DDX60: variants seen among roughly 807,000 people sequenced by gnomAD.
The protein encoded by DDX60 is probable ATP-dependent RNA helicase DDX60.
Under a neutral mutation model 212.8 loss-of-function variants are expected in DDX60, and 165 were observed. That is an observed-to-expected ratio of 0.78 (90% CI 0.68 to 0.88). The LOEUF (loss-of-function observed/expected upper bound fraction) is 0.88. DDX60 is among the 40% of genes least tolerant of loss of function. DDX60 has a pLI of 0.00. For synonymous variants in DDX60, 703 were observed against 685.3 expected (o/e 1.03, Z -0.40); for missense variants, 1,905 against 2,003.9 (o/e 0.95, Z 0.94).
intron 1 of DDX60, among the ~76,000 whole-genome samples, chr4:168,316,097 A>G (rs1308679002): frequency 6.6e-6 from 1 of 152,264 alleles, no homozygotes; most frequent in African/African-American, 2.4e-5. Flanking sequence ...GAATGAAGAC[A>G]ATCAAAAAAC....
chr4:168,304,966 T>C (rs551777194), intron 5 of DDX60, among the ~76,000 whole-genome samples: 1 of 152,340 alleles, frequency 6.6e-6, no homozygotes, highest in East Asian at 1.9e-4. Flanking sequence ...CCAGGGCAAC[T>C]TCTGGTCCTG....
chr4:168,295,167 T>A (rs1268857896), intron 6 of DDX60, among the ~76,000 whole-genome samples: 1 of 152,206 alleles, frequency 6.6e-6, no homozygotes, highest in South Asian at 2.1e-4. Context: ...TGTAAAACGA[T>A]ATGAAGCTTC....
intron 33 of DDX60, 25 bp from the exon 34 acceptor site, chr4:168,225,701 A>T (rs371306614): frequency 6.2e-7 from 1 of 1,601,580 alleles, no homozygotes. Context: ...ATTTTCATAG[A>T]GATAGATCTA....
In DDX60 at chr4:168,285,454, A is replaced by G. The variant is rs376935752; in HGVS notation, c.1384T>C (p.Ser462Pro). 2 of 1,610,994 alleles carry G rather than the reference A, an allele frequency of 1.2e-6. No homozygotes were observed. The highest frequency in any genetic ancestry group is 1.3e-5 in the African/African-American group (1 of 74,842). The change falls in exon 11 of 38, where the codon TCA becomes CCA. Residue 462 changes from serine to proline, a missense_variant. By Grantham distance (74) the Ser-to-Pro change is moderately conservative. Transcript: ENST00000393743. ...GCAAATTTATCAACCACAAAAGATG[A>G]CGTTGGAATAAAACCCAAATTGGGC... ...MVPNLGFIPT[S>P]SFVVDKFAGD...
intron 33 of DDX60, among the ~76,000 whole-genome samples, chr4:168,234,379 C>T (rs951394632): frequency 6.6e-6 from 1 of 151,786 alleles, no homozygotes; most frequent in Non-Finnish European, 1.5e-5. Context: ...GTTTGTTACG[C>T]TGTCTGATTT....
intron 33 of DDX60, among the ~76,000 whole-genome samples, chr4:168,230,979 T>A (rs936880935): frequency 6.7e-6 from 1 of 150,306 alleles, no homozygotes; most frequent in African/African-American, 2.4e-5. Flanking sequence ...AGAAGAGAGA[T>A]CCAAATAAGT....
intron 13 of DDX60, among the ~76,000 whole-genome samples, chr4:168,281,901 G>A (rs773857782): frequency 1.3e-5 from 2 of 152,050 alleles, no homozygotes; most frequent in Non-Finnish European, 2.9e-5. Flanking sequence ...TGTTTCAATA[G>A]TACAAGGGTT....
intron 33 of DDX60, among the ~76,000 whole-genome samples, chr4:168,228,113 C>T (rs977090671): frequency 6.6e-6 from 1 of 152,120 alleles, no homozygotes; most frequent in Admixed American, 6.6e-5. Flanking sequence ...CCTATTGGTC[C>T]TAGGCTACAA....
intron 7 of DDX60, among the ~76,000 whole-genome samples, chr4:168,293,129 A>G (rs1736181915): frequency 6.6e-6 from 1 of 152,152 alleles, no homozygotes; most frequent in Admixed American, 6.5e-5. Flanking sequence ...AAACACGCAC[A>G]CCCATAAGCA....
chr4:168,315,192 G>A (rs1281820076), intron 1 of DDX60, among the ~76,000 whole-genome samples: 4 of 152,166 alleles, frequency 2.6e-5, no homozygotes, highest in African/African-American at 7.2e-5. Flanking sequence ...CTACTTAAAT[G>A]TATGAACTGA....
At chr4:168,307,939 T>A (rs912197150) in intron 4 of DDX60, 67 bp downstream of exon 4, 4 of 906,848 alleles carry the variant, frequency 4.4e-6, no homozygotes, top group Admixed American at 6.5e-5. Flanking sequence ...AAAATATATA[T>A]ATAATAATTT....
chr4:168,285,945 A>AAGGAAGGG (rs1362121339), intron 10 of DDX60, among the ~76,000 whole-genome samples: 2 of 127,834 alleles, frequency 1.6e-5, no homozygotes, highest in Non-Finnish European at 3.3e-5. Flanking sequence ...GGAAGGGAGG[A>AAGGAAGGG]AGGGAGGGAG....
rs779448979 is a variant in DDX60 at position 168,309,261 on chromosome 4, G to A, written c.75-1066C>T. ...ATCATAAACCCTAAATAAAACCATG[G>A]AACCCATATGAAGTGCCATTAGTGA... On this transcript the variant is annotated intron_variant, in intron 3 of 37. Coordinates refer to ENST00000393743, the MANE Select transcript of DDX60 (RefSeq NM_017631.6). Among the ~76,000 whole-genome samples, 41 of 152,038 alleles carry A rather than the reference G, an allele frequency of 2.7e-4. 1 individual carries two copies. The highest frequency in any genetic ancestry group is 1.6e-3 in the Admixed American group (25 of 15,270).
Position 168,248,863 on chromosome 4 carries a change from G to A in DDX60, c.3859-571C>T, listed in dbSNP as rs186006489. 2.5e-3 allele frequency among the ~76,000 whole-genome samples: 378 copies of A among 151,648 alleles called. 2 individuals are homozygous for A. Among genetic ancestry groups the A allele is most frequent in the Middle Eastern group, 6.9e-3 (2 of 290 alleles). On this transcript the variant is annotated intron_variant, in intron 28 of 37. Coordinates refer to ENST00000393743, the MANE Select transcript of DDX60 (RefSeq NM_017631.6). The stretch of plus-strand genomic sequence containing the variant: ...CAACCTCCACCTCCCAGGTTCAGTC[G>A]ATTCTCCTGCCTCAACCTCCCAAGT...
chr4:168,220,547 G>T, intron 37 of DDX60, 108 bp downstream of exon 37: 1 of 627,440 alleles, frequency 1.6e-6, no homozygotes, highest in Non-Finnish European at 2.7e-6. Flanking sequence ...CACAGAAGAA[G>T]CTTAATGGCA....
At chr4:168,264,213 A>C (rs565031971) in intron 22 of DDX60, among the ~76,000 whole-genome samples, 1 of 152,196 alleles carries the variant, frequency 6.6e-6, no homozygotes, top group African/African-American at 2.4e-5. Context: ...ATGAAAATAC[A>C]ATATTTTTAC....
chr4:168,285,023 A>G lies in DDX60; in HGVS notation c.1446-88T>C, dbSNP rs189192640. Reference sequence around the variant, plus strand: ...TTATTTTATAATGTTTTTGAAAATCATAGTTCCCCTTCTTCTTTCTGCAAT... The same window carrying G: ...TTATTTTATAATGTTTTTGAAAATCGTAGTTCCCCTTCTTCTTTCTGCAAT... On this transcript the variant is annotated intron_variant, in intron 11 of 37. Coordinates refer to ENST00000393743, the MANE Select transcript of DDX60 (RefSeq NM_017631.6). 13 of 666,392 alleles carry G rather than the reference A, an allele frequency of 2.0e-5. No homozygotes were observed. The East Asian group carries it at 3.4e-4, about 18-fold the overall frequency. The allele number at this position is 666,392 out of a possible 1,614,324, so 41.3% of individuals were successfully genotyped here. A position where few individuals can be genotyped will look rare whatever the true frequency, so the allele number is the denominator to read the frequency against.
intron 30 of DDX60, among the ~76,000 whole-genome samples, chr4:168,239,303 G>C (rs959222155): frequency 1.3e-5 from 2 of 151,914 alleles, no homozygotes; most frequent in African/African-American, 2.4e-5. Context: ...TAGATGGATA[G>C]AAAGATAAAT....
chr4:168,233,182 T>C (rs1218255343), intron 33 of DDX60, among the ~76,000 whole-genome samples: 7 of 152,114 alleles, frequency 4.6e-5, no homozygotes, highest in Admixed American at 4.6e-4. Context: ...CCTGTAAGGA[T>C]GGCCATAATC....
Sources: allele counts gnomAD v4.1 joint callset (sites outside exome capture counted in the v4.1 genomes callset), GRCh38; gene constraint gnomAD v4.1.1; transcripts MANE v1.5; gene names NCBI Gene and HGNC (gene_info 2026-07-23, HGNC 2026-07-21).